The following GPHN variants were observed in gnomAD, a reference collection of about 807,000 sequenced individuals.
The protein encoded by GPHN is gephyrin.
Under a neutral mutation model 95.5 loss-of-function variants are expected in GPHN, and 17 were observed. That is an observed-to-expected ratio of 0.18 (90% CI 0.12 to 0.27). GPHN has a LOEUF of 0.27. GPHN is among the 10% of genes least tolerant of loss of function. The probability of loss-of-function intolerance (pLI) is 1.00; values close to 1 mark genes in which losing one functional copy is unlikely to be tolerated. For missense variants in GPHN, 660 were observed against 978.1 expected (o/e 0.67, Z 4.34); for synonymous variants, 320 against 322.5 (o/e 0.99, Z 0.08).
chr14:66,577,471 A>G (rs1294912186), intron 1 of GPHN, among the ~76,000 whole-genome samples: 1 of 152,188 alleles, frequency 6.6e-6, no homozygotes, highest in East Asian at 1.9e-4. Context: ...AGATAAATCT[A>G]TACAGTGAAG....
At chr14:66,553,007 T>TTTTTTTTTTTTTTTTTTTTTG (rs1566591596) in intron 1 of GPHN, among the ~76,000 whole-genome samples, 4 of 151,990 alleles carry the variant, frequency 2.6e-5, no homozygotes, top group African/African-American at 7.2e-5. Context: ...TTTCTTTTTT[T>TTTTTTTTTTTTTTTTTTTTTG]AGACAAGAGT....
chr14:67,086,214 T>C (rs2076875861), intron 11 of GPHN, among the ~76,000 whole-genome samples: 1 of 152,222 alleles, frequency 6.6e-6, no homozygotes, highest in Admixed American at 6.5e-5. Context: ...TTTGGATGTA[T>C]ACCTGGAAAT....
the GPHN span, chr14:67,359,970 C>T: frequency 1.9e-6 from 1 of 540,030 alleles, no homozygotes; most frequent in Non-Finnish European, 3.3e-6. Context: ...GCCTCCCAAC[C>T]CCTCCCCATC....
the GPHN span, among the ~76,000 whole-genome samples, chr14:67,541,620 A>G: frequency 2.0e-5 from 3 of 152,190 alleles, no homozygotes; most frequent in Non-Finnish European, 4.4e-5. Flanking sequence ...CGGTTTCCTG[A>G]GGCTCTCAGC....
chr14:67,542,418 C>T, the GPHN span, among the ~76,000 whole-genome samples: 1 of 152,202 alleles, frequency 6.6e-6, no homozygotes, highest in Non-Finnish European at 1.5e-5. Context: ...AACAAGGACA[C>T]AGGCTTTGGA....
At chr14:67,555,900 G>C in the GPHN span, 1 of 1,612,060 alleles carries the variant, frequency 6.2e-7, no homozygotes, top group Non-Finnish European at 8.5e-7. Flanking sequence ...AACCAGGGGA[G>C]GGGATCGGCG....
At chr14:67,094,784 C>T (rs2077283999) in intron 12 of GPHN, among the ~76,000 whole-genome samples, 1 of 152,148 alleles carries the variant, frequency 6.6e-6, no homozygotes, top group Admixed American at 6.5e-5. Context: ...TGAAAAATTC[C>T]TATTGCCAAG....
chr14:67,119,487 G>A (rs2078883206), intron 16 of GPHN, among the ~76,000 whole-genome samples: 1 of 152,100 alleles, frequency 6.6e-6, no homozygotes. Context: ...CTACAAAGGG[G>A]AAAACAAAGT....
chr14:66,892,093 C>A (rs1243073970), intron 5 of GPHN, among the ~76,000 whole-genome samples: 1 of 152,034 alleles, frequency 6.6e-6, no homozygotes, highest in Non-Finnish European at 1.5e-5. Context: ...ATTATATGAC[C>A]CAGGAACTCC....
chr14:67,490,837 T>C, the GPHN span, among the ~76,000 whole-genome samples: 1 of 152,184 alleles, frequency 6.6e-6, no homozygotes, highest in Non-Finnish European at 1.5e-5. Context: ...AAAAGTTTTT[T>C]CCTTCTGCTC....
At chr14:66,771,314 T>TC (rs2059161728) in intron 2 of GPHN, among the ~76,000 whole-genome samples, 1 of 152,230 alleles carries the variant, frequency 6.6e-6, no homozygotes, top group Non-Finnish European at 1.5e-5. Flanking sequence ...ATCAATCGAA[T>TC]ACTCTATTAA....
chr14:67,545,012 T>A, the GPHN span, among the ~76,000 whole-genome samples: 1 of 152,218 alleles, frequency 6.6e-6, no homozygotes, highest in Non-Finnish European at 1.5e-5. Context: ...AATCACAGTT[T>A]GGTTAGATCA....
chr14:67,269,345 G>A, the GPHN span, among the ~76,000 whole-genome samples: 3 of 152,236 alleles, frequency 2.0e-5, no homozygotes, highest in East Asian at 5.8e-4. Context: ...TTTTGTGTGT[G>A]TGTGTGTAGA....
the GPHN span, among the ~76,000 whole-genome samples, chr14:67,418,892 G>A: frequency 1.3e-5 from 2 of 152,196 alleles, no homozygotes; most frequent in African/African-American, 4.8e-5. Flanking sequence ...CGCCTTGAGA[G>A]GTCAGTCACT....
Position 67,123,397 on chromosome 14 carries a change from A to G in GPHN, c.1748+1020A>G, listed in dbSNP as rs113205379. 8.5e-5 allele frequency among the ~76,000 whole-genome samples: 13 copies of G among 152,358 alleles called. 2 individuals carry two copies. The highest frequency in any genetic ancestry group is 2.9e-4 in the African/African-American group (12 of 41,594). The stretch of plus-strand genomic sequence containing the variant: ...AGTCTAACCTAAGCTTGTCCAGGCC[A>G]GGCACAGTGGCTCACGCCTGTAATC... On this transcript the variant is annotated intron_variant, in intron 17 of 22. Coordinates refer to ENST00000478722, the MANE Select transcript of GPHN (RefSeq NM_020806.5).
chr14:67,692,414 T>C, the GPHN span: 5 of 1,612,934 alleles, frequency 3.1e-6, no homozygotes, highest in Admixed American at 6.7e-5. Flanking sequence ...ACCCACAACA[T>C]AGTCTCTCTA....
At chr14:67,353,234 A>T in the GPHN span, among the ~76,000 whole-genome samples, 1 of 152,242 alleles carries the variant, frequency 6.6e-6, no homozygotes, top group Non-Finnish European at 1.5e-5. Context: ...TGTTGGAAAC[A>T]ATCTCCAATG....
chr14:67,440,967 G>A, the GPHN span, among the ~76,000 whole-genome samples: 3 of 152,118 alleles, frequency 2.0e-5, no homozygotes, highest in Admixed American at 6.6e-5. Flanking sequence ...CTCAGAGCTC[G>A]GCTTGTCTCT....
At chr14:67,689,778 T>C in the GPHN span, among the ~76,000 whole-genome samples, 2 of 152,156 alleles carry the variant, frequency 1.3e-5, no homozygotes, top group East Asian at 1.9e-4. Flanking sequence ...ATCCTGTCTC[T>C]ACTAAAAATA....
Sources: gnomAD v4.1 joint callset for allele counts (sites outside exome capture counted in the v4.1 genomes callset) on GRCh38, gnomAD v4.1.1 for gene constraint, MANE v1.5 for transcripts, NCBI Gene and HGNC (gene_info 2026-07-23, HGNC 2026-07-21) for gene names.